The following TMEM145 variants were observed in gnomAD, a reference collection of about 807,000 sequenced individuals.
TMEM145 encodes the protein transmembrane protein 145.
Under a neutral mutation model 68.5 loss-of-function variants are expected in TMEM145, and 46 were observed. That is an observed-to-expected ratio of 0.67 (90% confidence interval 0.53 to 0.86). The LOEUF (loss-of-function observed/expected upper bound fraction) is 0.86, where lower values mean the gene tolerates loss of function less well. Ranked by LOEUF, TMEM145 falls within the 40% of genes least tolerant of loss-of-function variation. The pLI, the probability that TMEM145 is intolerant of heterozygous loss-of-function variation, is 0.00. For missense variants in TMEM145, 570 were observed against 645.8 expected, an observed-to-expected ratio of 0.88 and a Z score of 1.27; for synonymous variants, 255 against 280.2, an observed-to-expected ratio of 0.91 and a Z score of 0.90.
intron 10 of TMEM145, 58 bp downstream of exon 10, chr19:42,316,798 GT>G (rs2038862891): frequency 2.3e-5 from 33 of 1,424,000 alleles, no homozygotes; most frequent in Non-Finnish European, 3.3e-5. Context: ...CAGGGGCAGG[GT>G]TGGGGGGCTG....
chr19:42,324,276 A>G (rs1350105556), intron 14 of TMEM145: 2 of 982,156 alleles, frequency 2.0e-6, no homozygotes, highest in Non-Finnish European at 2.4e-6. Context: ...CCCCCCTCCC[A>G]GGCCGGGAAG....
Position 42,318,087 on chromosome 19 carries a change from G to A in TMEM145, c.1073+206G>A, listed in dbSNP as rs1047641280. Reference sequence around the variant, plus strand: ...TTTACCCATAAAACAACAGGATCTCGCCAGGCGTGGTGGCTCACGCCTGTA... The same window carrying A: ...TTTACCCATAAAACAACAGGATCTCACCAGGCGTGGTGGCTCACGCCTGTA... On this transcript the variant is annotated intron_variant, in intron 12 of 14. Coordinates refer to ENST00000301204, the MANE Select transcript of TMEM145 (RefSeq NM_173633.3). Among the ~76,000 whole-genome samples the A allele has an allele frequency of 1.3e-5, 2 of 152,130 alleles. 1 individual carries two copies. Among genetic ancestry groups the A allele is most frequent in the African/African-American group, 4.8e-5 (2 of 41,428 alleles).
Position 42,323,709 on chromosome 19 carries a change from G to C in TMEM145, c.1321G>C (p.Val441Leu), listed in dbSNP as rs767211706. 3.0e-5 allele frequency: 49 copies of C among 1,614,186 alleles called. No homozygotes were observed. The highest frequency in any genetic ancestry group is 1.6e-4 in the Middle Eastern group (1 of 6,062). Residue 441 changes from valine (V) to leucine (L), a missense_variant, in exon 14 of 15, where the codon GTC (valine) becomes CTC (leucine). Transcript: ENST00000301204. ...CGCTGACAAGGCCTTCCCGCAGCAC[G>C]TCTATGGGAACGTGACGTTTATCAG... is the stretch of plus-strand genomic sequence containing the variant. Reference protein sequence around the residue: ...QSADKAFPQHVYGNVTFISDS... With the variant: ...QSADKAFPQHLYGNVTFISDS...
intron 10 of TMEM145, 25 bp downstream of exon 10, chr19:42,316,765 G>T: frequency 6.2e-7 from 1 of 1,612,978 alleles, no homozygotes; most frequent in Non-Finnish European, 8.5e-7. Flanking sequence ...CGTGCTCGTG[G>T]GGCGGCTGGT....
At chr19:42,324,353 C>T in intron 14 of TMEM145, 1 of 985,326 alleles carries the variant, frequency 1.0e-6, no homozygotes, top group Non-Finnish European at 1.2e-6. Context: ...CATGGCCGAG[C>T]CGGGCGCAGC....
Position 42,324,936 on chromosome 19 carries a change from G to A in TMEM145, c.*119G>A. ...GGTCTCGACCCTGAAACCCTCCCTC[G>A]GATCTGTGACCTCGGACCCGTACTC... On this transcript the variant is annotated 3_prime_UTR_variant, in exon 15 of 15. Coordinates refer to ENST00000301204, the MANE Select transcript of TMEM145 (RefSeq NM_173633.3). The A allele has an allele frequency of 7.6e-7, 1 of 1,309,164 alleles. No individual in the cohort carries two copies. Among genetic ancestry groups the A allele is most frequent in the Non-Finnish European group, 9.7e-7 (1 of 1,028,990 alleles). The allele number at this position is 1,309,164 out of a possible 1,614,324, so 81.1% of individuals were successfully genotyped here. A position where few individuals can be genotyped will look rare whatever the true frequency, so the allele number is the denominator to read the frequency against.
In TMEM145 at chr19:42,318,746, A is replaced by G. The variant is rs192657621; in HGVS notation, c.1073+865A>G. Among the ~76,000 whole-genome samples, 28 of 151,814 alleles carry G rather than the reference A, an allele frequency of 1.8e-4. No individual in the cohort carries two copies. The East Asian group carries it at 4.9e-3, about 26-fold the overall frequency. ...ATATCTTGAGCAAGCATAGGCCACT[A>G]TATGAGGGCCGAGTGTCTGGCACAT... On this transcript the variant is annotated intron_variant, in intron 12 of 14. Coordinates refer to ENST00000301204, the MANE Select transcript of TMEM145 (RefSeq NM_173633.3).
In TMEM145 at chr19:42,317,003, T is replaced by C. The variant is rs778587336; in HGVS notation, c.900+40T>C. 3 of 1,577,192 alleles carry C rather than the reference T, an allele frequency of 1.9e-6. No homozygotes were observed. The Admixed American group carries it at 5.2e-5, about 27-fold the overall frequency. On this transcript the variant is annotated intron_variant, in intron 11 of 14. Transcript: ENST00000301204. The stretch of plus-strand genomic sequence containing the variant: ...CCCCTGGCCGGGCCCTGCCTTCCCC[T>C]GCTTTTGGCGCCGCCTCCCCCTTGA...
rs755836035 is a variant in TMEM145, at chr19:42,314,285, T to C, written c.134T>C (p.Leu45Pro). 1.2e-6 allele frequency: 2 copies of C among 1,614,040 alleles called. No homozygotes were observed. The highest frequency in any genetic ancestry group is 1.7e-6 in the Non-Finnish European group (2 of 1,179,980). ...CCCCTTTTTCAGGACTGGGTGTTCC[T>C]GACAAGATTTTGTTTCCTCTCGGAT... ...NLSSKEDWVF[L>P]TRFCFLSDYG... is the part of the protein sequence containing the mutation. The change falls in exon 2 of 15, where the codon CTG becomes CCG. Residue 45 changes from leucine (L) to proline (P), a missense_variant. Leu to Pro is a moderately conservative substitution (Grantham distance 98). Transcript: ENST00000301204.
chr19:42,324,955 C>T lies in TMEM145; in HGVS notation c.*138C>T, dbSNP rs2038957985. ...TCCCTCGGATCTGTGACCTCGGACCCGTACTCCATCTGCCGCATCTCCATT... is the reference window on the plus strand; with the variant it reads ...TCCCTCGGATCTGTGACCTCGGACCTGTACTCCATCTGCCGCATCTCCATT... On this transcript the variant is annotated 3_prime_UTR_variant, in exon 15 of 15. Coordinates refer to ENST00000301204, the MANE Select transcript of TMEM145 (RefSeq NM_173633.3). 1 of 1,260,758 alleles carries T rather than the reference C, an allele frequency of 7.9e-7. No homozygotes were observed. Among genetic ancestry groups the T allele is most frequent in the Non-Finnish European group, 1.0e-6 (1 of 995,882 alleles). The allele number at this position is 1,260,758 out of a possible 1,614,324, so 78.1% of individuals were successfully genotyped here.
chr19:42,316,831 GC>G, intron 10 of TMEM145, 38 bp from the exon 11 acceptor site: 1 of 1,611,008 alleles, frequency 6.2e-7, no homozygotes, highest in Non-Finnish European at 8.5e-7. Context: ...CTCCCTGACG[GC>G]CCCCACCCTG....
intron 13 of TMEM145, among the ~76,000 whole-genome samples, chr19:42,322,169 A>G (rs981857660): frequency 4.6e-5 from 7 of 152,190 alleles, no homozygotes; most frequent in Non-Finnish European, 7.4e-5. Flanking sequence ...AGAGGCTGAC[A>G]TAGGTACAGA....
chr19:42,314,481 T>G lies in TMEM145; in HGVS notation c.226T>G (p.Phe76Val). ...GTGCTGTCAGAACATCCTCCTCTATTTTGATGACCCATCCCAGTGGCCAGC... is the reference window on the plus strand; with the variant it reads ...GTGCTGTCAGAACATCCTCCTCTATGTTGATGACCCATCCCAGTGGCCAGC... Reference protein sequence around the residue: ...AKCCQNILLYFDDPSQWPAVY... With the variant: ...AKCCQNILLYVDDPSQWPAVY... Residue 76 changes from phenylalanine (F) to valine (V), a missense_variant, in exon 3 of 15, where the codon TTT (phenylalanine) becomes GTT (valine). By Grantham distance (50) the Phe-to-Val change is conservative. Coordinates refer to ENST00000301204, the MANE Select transcript of TMEM145 (RefSeq NM_173633.3). 1 of 1,614,080 alleles carries G rather than the reference T, an allele frequency of 6.2e-7. No homozygotes were observed. Among genetic ancestry groups the G allele is most frequent in the Non-Finnish European group, 8.5e-7 (1 of 1,180,020 alleles).
intron 14 of TMEM145, 27 bp downstream of exon 14, chr19:42,323,816 G>A (rs2038936127): frequency 2.5e-6 from 4 of 1,605,030 alleles, no homozygotes; most frequent in East Asian, 2.2e-5. Flanking sequence ...CAGCGCCCGA[G>A]GAGCTGCTGG....
chr19:42,320,113 A>C (rs1457597333), intron 12 of TMEM145, among the ~76,000 whole-genome samples: 1 of 152,172 alleles, frequency 6.6e-6, no homozygotes, highest in Non-Finnish European at 1.5e-5. Context: ...GAACTGAGTT[A>C]AATTGAACCT....
Position 42,314,522 on chromosome 19 carries a change from G to A in TMEM145, c.267G>A (p.Gly89=). 1 of 1,614,176 alleles carries A rather than the reference G, an allele frequency of 6.2e-7. No individual in the cohort carries two copies. The highest frequency in any genetic ancestry group is 8.5e-7 in the Non-Finnish European group (1 of 1,180,028). The change falls in exon 3 of 15, where the codon GGG becomes GGA. Residue 89 remains glycine, a synonymous_variant. Transcript: ENST00000301204. ...AGTGGCCAGCCGTGTACAAGGCAGG[G>A]GACAAGGTGAGGGCTGTGAAGAGGG... is the stretch of plus-strand genomic sequence containing the variant. ...PSQWPAVYKA[G]DKDCLAKESV... is the part of the protein sequence containing the mutation.
At chr19:42,316,136 G>A (rs531410610) in intron 8 of TMEM145, among the ~76,000 whole-genome samples, 20 of 151,994 alleles carry the variant, frequency 1.3e-4, no homozygotes, top group African/African-American at 4.8e-4. Context: ...GAGGAGCTGG[G>A]GGTCTGGACC....
In TMEM145 at chr19:42,320,325, C is replaced by A. The variant is rs199555639; in HGVS notation, c.1082C>A (p.Ala361Glu). The A allele has an allele frequency of 6.2e-7, 1 of 1,613,868 alleles. No individual in the cohort carries two copies. The highest frequency in any genetic ancestry group is 8.5e-7 in the Non-Finnish European group (1 of 1,180,016). Residue 361 changes from alanine (A) to glutamate (E), a missense_variant, in exon 13 of 15, where the codon GCG becomes GAG. Ala to Glu is a moderately radical substitution (Grantham distance 107). Transcript: ENST00000301204. ...CAATACTTCCCCTTCAGGTTCTTTG[C>A]GGTTCCTGTCATGGCCCTGATTGCC... ...FFAAYTLWFF[A>E]VPVMALIANF...
At chr19:42,316,177 C>A (rs1345198463) in intron 8 of TMEM145, among the ~76,000 whole-genome samples, 2 of 147,996 alleles carry the variant, frequency 1.4e-5, no homozygotes, top group Non-Finnish European at 3.0e-5. Context: ...GGTCTGGGGG[C>A]CTGAGCCCCT....
Sources: gnomAD v4.1 joint callset for allele counts (sites outside exome capture counted in the v4.1 genomes callset) on GRCh38, gnomAD v4.1.1 for gene constraint, MANE v1.5 for transcripts, NCBI Gene and HGNC (gene_info 2026-07-23, HGNC 2026-07-21) for gene names.